STK3: variants seen among roughly 807,000 people sequenced by gnomAD.
STK3 encodes serine/threonine-protein kinase 3.
Under a neutral mutation model 58.0 loss-of-function variants are expected in STK3, and 41 were observed. The ratio of observed to expected loss-of-function variants is 0.71; its 90% CI spans 0.55 to 0.92. STK3 has a LOEUF of 0.92. STK3 is among the 40% of genes least tolerant of loss of function. The pLI, the probability that STK3 is intolerant of heterozygous loss-of-function variation, is 0.00. For synonymous variants in STK3, 170 were observed against 191.0 expected (o/e 0.89, Z 0.91); for missense variants, 479 against 602.7 (o/e 0.79, Z 2.15).
chr8:98,855,551 A>C (rs1018276197), intron 3 of STK3, among the ~76,000 whole-genome samples: 1 of 152,214 alleles, frequency 6.6e-6, no homozygotes, highest in Non-Finnish European at 1.5e-5. Context: ...CAAAAACTAT[A>C]AACTATTAGA....
chr8:98,570,060 T>A (rs562099176), intron 8 of STK3, among the ~76,000 whole-genome samples: 2 of 147,728 alleles, frequency 1.4e-5, no homozygotes, highest in African/African-American at 4.9e-5. Context: ...TTAAAGAATA[T>A]AAAAATATAT....
chr8:98,489,573 A>AT (rs1260539164), intron 10 of STK3, among the ~76,000 whole-genome samples: 1 of 152,068 alleles, frequency 6.6e-6, no homozygotes, highest in East Asian at 1.9e-4. Context: ...ATCCACCTAT[A>AT]TTTTTTCTAT....
At chr8:98,663,230 C>A (rs1822095511) in intron 6 of STK3, among the ~76,000 whole-genome samples, 1 of 152,128 alleles carries the variant, frequency 6.6e-6, no homozygotes, top group Non-Finnish European at 1.5e-5. Flanking sequence ...AGACACTTCT[C>A]AAAAGAAGAC....
intron 1 of STK3, among the ~76,000 whole-genome samples, chr8:98,922,783 G>T (rs1839616706): frequency 6.6e-6 from 1 of 152,080 alleles, no homozygotes; most frequent in South Asian, 2.1e-4. Flanking sequence ...CTTGGCTCTT[G>T]TCCTTTGATT....
chr8:98,553,424 T>A (rs1811347069), intron 8 of STK3: 1 of 152,164 alleles, frequency 6.6e-6, no homozygotes, highest in South Asian at 2.1e-4. Context: ...AGCAATGTTC[T>A]TATTATGTAA....
chr8:98,783,093 T>C (rs1358809525), intron 1 of STK3, among the ~76,000 whole-genome samples: 2 of 151,920 alleles, frequency 1.3e-5, no homozygotes, highest in Non-Finnish European at 2.9e-5. Context: ...TGAGAAAGAA[T>C]ACTAAAAGTA....
At chr8:98,674,572 C>T (rs1187916604) in intron 6 of STK3, among the ~76,000 whole-genome samples, 2 of 152,054 alleles carry the variant, frequency 1.3e-5, no homozygotes, top group African/African-American at 4.8e-5. Flanking sequence ...TCAAACTTAA[C>T]ACATTTATAC....
chr8:98,655,928 C>G (rs1345119773), intron 6 of STK3, among the ~76,000 whole-genome samples: 1 of 152,144 alleles, frequency 6.6e-6, no homozygotes, highest in South Asian at 2.1e-4. Flanking sequence ...GTCAGTGTGG[C>G]GATTCCTCAG....
intron 3 of STK3, among the ~76,000 whole-genome samples, chr8:98,751,743 C>T (rs1279185648): frequency 6.6e-6 from 1 of 152,136 alleles, no homozygotes; most frequent in African/African-American, 2.4e-5. Flanking sequence ...AGTTTCAGAT[C>T]AGCCTGGCCA....
intron 1 of STK3, among the ~76,000 whole-genome samples, chr8:98,936,101 G>A (rs550985792): frequency 6.6e-6 from 1 of 152,062 alleles, no homozygotes; most frequent in Admixed American, 6.5e-5. Flanking sequence ...TGCATTTTCA[G>A]TAGAGACAGG....
intron 3 of STK3, among the ~76,000 whole-genome samples, chr8:98,852,554 G>C (rs368322694): frequency 3.3e-5 from 5 of 152,104 alleles, no homozygotes; most frequent in African/African-American, 1.2e-4. Flanking sequence ...GTTCTTCAAG[G>C]ACATAGTTGA....
intron 1 of STK3, among the ~76,000 whole-genome samples, chr8:98,918,660 C>G (rs1357953488): frequency 6.6e-6 from 1 of 151,942 alleles, no homozygotes; most frequent in Non-Finnish European, 1.5e-5. Flanking sequence ...CTCAGCTACT[C>G]AGAAGGCTGA....
intron 3 of STK3, among the ~76,000 whole-genome samples, chr8:98,867,711 C>T (rs1204458275): frequency 6.6e-6 from 1 of 152,164 alleles, no homozygotes; most frequent in Non-Finnish European, 1.5e-5. Context: ...CATTGCTTAC[C>T]AACCTTCGGC....
intron 1 of STK3, among the ~76,000 whole-genome samples, chr8:98,890,895 G>T (rs981063746): frequency 1.6e-4 from 25 of 152,220 alleles, no homozygotes; most frequent in Non-Finnish European, 2.5e-4. Flanking sequence ...CATTGTGTTT[G>T]TCCTTGAATT....
chr8:98,529,162 C>A (rs529161707), intron 9 of STK3, among the ~76,000 whole-genome samples: 1 of 152,014 alleles, frequency 6.6e-6, no homozygotes, highest in African/African-American at 2.4e-5. Flanking sequence ...TCATTTTGGT[C>A]AAAAGAAAGC....
At chr8:98,349,881 C>T in the STK3 span, among the ~76,000 whole-genome samples, 121 of 152,030 alleles carry the variant, frequency 8.0e-4, no homozygotes, top group Non-Finnish European at 2.4e-4. Flanking sequence ...CCATTTTTTT[C>T]TCCTAGGCCT....
chr8:98,397,962 A>G (rs1586547700), downstream of STK3, among the ~76,000 whole-genome samples: 1 of 151,720 alleles, frequency 6.6e-6, no homozygotes, highest in Admixed American at 6.6e-5. Context: ...AGTCAATTAA[A>G]CCTCTTTTCT....
intron 3 of STK3, among the ~76,000 whole-genome samples, chr8:98,833,452 T>C (rs2131788698): frequency 6.6e-6 from 1 of 152,322 alleles, no homozygotes; most frequent in Middle Eastern, 3.4e-3. Flanking sequence ...AAATCTCTCC[T>C]GGATCAGGAA....
At chr8:98,596,854 C>CTG (rs1815869806) in intron 6 of STK3, among the ~76,000 whole-genome samples, 1 of 151,604 alleles carries the variant, frequency 6.6e-6, no homozygotes, top group Non-Finnish European at 1.5e-5. Flanking sequence ...TGCTTTTAAT[C>CTG]TGAGTATGTT....
Sources: allele counts gnomAD v4.1 joint callset (sites outside exome capture counted in the v4.1 genomes callset), GRCh38; gene constraint gnomAD v4.1.1; transcripts MANE v1.5; gene names NCBI Gene and HGNC (gene_info 2026-07-23, HGNC 2026-07-21).